The following REEP5 variants were observed in gnomAD, a reference collection of about 807,000 sequenced individuals.
REEP5 encodes the protein receptor accessory protein 5.
A neutral mutation model predicts 22.4 loss-of-function variants in REEP5; 24 were observed. That is an observed-to-expected ratio of 1.07 (90% CI 0.78 to 1.51). The LOEUF (loss-of-function observed/expected upper bound fraction) is 1.51. Among genes scored for constraint, REEP5 ranks in the 40% most tolerant of loss-of-function variants. The pLI is 0.00. For synonymous variants in REEP5, 103 were observed against 88.6 expected (o/e 1.16, Z -0.92); for missense variants, 252 against 233.0 (o/e 1.08, Z -0.53).
In REEP5 at chr5:112,902,362, G is replaced by A. The variant is rs757995734; in HGVS notation, c.351+18C>T. 2 of 1,597,332 alleles carry A rather than the reference G, an allele frequency of 1.3e-6. No homozygotes were observed. The highest frequency in any genetic ancestry group is 2.2e-5 in the East Asian group (1 of 44,676). Reference sequence around the variant, plus strand: ...CAGGTACTGAGATGGAGTTTTAGTGGTAGCAAGACCAACATACCTTCAGCA... The same window carrying A: ...CAGGTACTGAGATGGAGTTTTAGTGATAGCAAGACCAACATACCTTCAGCA... On this transcript the variant is annotated intron_variant, in intron 3 of 4. Transcript: ENST00000379638.
rs1416342657 is a variant in REEP5, at chr5:112,905,563, A to AC, written c.213-3046_213-3045insG. On this transcript the variant is annotated intron_variant, in intron 2 of 4. Transcript: ENST00000379638. ...CTCAAAAAAAAAACAAAACAAAAAA[A>AC]AAACAAACTTGAGGTTTTCTGAATG... is the stretch of plus-strand genomic sequence containing the variant. 3.2e-4 allele frequency among the ~76,000 whole-genome samples: 47 copies of AC among 147,588 alleles called. 1 individual carries two copies. Among genetic ancestry groups the AC allele is most frequent in the South Asian group, 8.4e-4 (4 of 4,744 alleles).
At chr5:112,900,219 A>G (rs1388780033) in intron 3 of REEP5, among the ~76,000 whole-genome samples, 2 of 152,098 alleles carry the variant, frequency 1.3e-5, no homozygotes, top group Non-Finnish European at 2.9e-5. Context: ...GGAAATTGTT[A>G]TGTATTCTGG....
intron 2 of REEP5, among the ~76,000 whole-genome samples, chr5:112,904,267 G>T (rs772414619): frequency 9.2e-5 from 14 of 152,166 alleles, no homozygotes; most frequent in Non-Finnish European, 1.5e-4. Flanking sequence ...AAGGCCAAAG[G>T]AAAAGTGTAG....
At chr5:112,912,724 G>C (rs1258122922) in intron 2 of REEP5, among the ~76,000 whole-genome samples, 1 of 152,118 alleles carries the variant, frequency 6.6e-6, no homozygotes, top group Non-Finnish European at 1.5e-5. Flanking sequence ...CCATGCATGG[G>C]ATTGCTTTTG....
intron 3 of REEP5, chr5:112,897,322 A>C (rs1012222770): frequency 6.7e-6 from 1 of 150,178 alleles, no homozygotes; most frequent in South Asian, 2.1e-4. Context: ...TACAAATGTT[A>C]TTTTCCTCCC....
intron 4 of REEP5, among the ~76,000 whole-genome samples, chr5:112,881,027 G>A (rs778521568): frequency 6.6e-6 from 1 of 150,820 alleles, no homozygotes; most frequent in Non-Finnish European, 1.5e-5. Context: ...TACTTGGGAG[G>A]CTGAGGCAGC....
chr5:112,918,515 G>C (rs1015965136), intron 2 of REEP5, among the ~76,000 whole-genome samples: 1 of 152,272 alleles, frequency 6.6e-6, no homozygotes, highest in African/African-American at 2.4e-5. Flanking sequence ...CCAAGGAGAG[G>C]AAACAGCAAG....
chr5:112,899,336 G>A (rs1768790440), intron 3 of REEP5, among the ~76,000 whole-genome samples: 1 of 151,848 alleles, frequency 6.6e-6, no homozygotes, highest in African/African-American at 2.4e-5. Context: ...GTGGAGACAG[G>A]GTCTCACCAT....
At chr5:112,883,362 TCTTA>T (rs1768135216) in intron 4 of REEP5, among the ~76,000 whole-genome samples, 2 of 152,212 alleles carry the variant, frequency 1.3e-5, no homozygotes, top group African/African-American at 4.8e-5. Context: ...TCAGTCCTTA[TCTTA>T]CTTGACCTGT....
chr5:112,889,509 C>T (rs1438531183), intron 3 of REEP5, among the ~76,000 whole-genome samples: 1 of 150,478 alleles, frequency 6.6e-6, no homozygotes, highest in Non-Finnish European at 1.5e-5. Flanking sequence ...CTTGTATATA[C>T]CTTTGAAATA....
At chr5:112,879,325 T>TGGGGGGGGGGCCGGG (rs1767994736) in intron 4 of REEP5, among the ~76,000 whole-genome samples, 1 of 104,322 alleles carries the variant, frequency 9.6e-6, no homozygotes. Context: ...TATATGTGTT[T>TGGGGGGGGGGCCGGG]GGGGGGGGGG....
chr5:112,886,709 T>C (rs544189427), intron 4 of REEP5, among the ~76,000 whole-genome samples: 1 of 152,184 alleles, frequency 6.6e-6, no homozygotes, highest in Non-Finnish European at 1.5e-5. Context: ...AAATAAACAA[T>C]TAGAAGAGAT....
chr5:112,893,698 A>G (rs1768579723), intron 3 of REEP5: 1 of 152,346 alleles, frequency 6.6e-6, no homozygotes, highest in South Asian at 2.1e-4. Context: ...TGCTACGTGC[A>G]TGAATGTGCA....
At chr5:112,885,638 G>A in intron 4 of REEP5, 1 of 293,100 alleles carries the variant, frequency 3.4e-6, no homozygotes, top group Non-Finnish European at 7.1e-6. Context: ...GGGTCTGCCA[G>A]CCTGGAGCAG....
chr5:112,879,937 A>T (rs1195576951), intron 4 of REEP5, among the ~76,000 whole-genome samples: 1 of 152,070 alleles, frequency 6.6e-6, no homozygotes, highest in African/African-American at 2.4e-5. Flanking sequence ...TTTTAAAAAA[A>T]TTTTAAAAGC....
intron 3 of REEP5, chr5:112,896,331 C>T (rs1768679692): frequency 6.6e-6 from 1 of 152,340 alleles, no homozygotes; most frequent in Non-Finnish European, 1.5e-5. Context: ...TGAGACCAGC[C>T]TGGCCAACAT....
intron 2 of REEP5, among the ~76,000 whole-genome samples, chr5:112,910,930 A>G (rs185997602): frequency 6.6e-6 from 1 of 152,364 alleles, no homozygotes; most frequent in East Asian, 1.9e-4. Flanking sequence ...CAAAGTTAGT[A>G]CAAATCCACC....
At chr5:112,911,078 G>A (rs1272287707) in intron 2 of REEP5, among the ~76,000 whole-genome samples, 2 of 152,204 alleles carry the variant, frequency 1.3e-5, no homozygotes, top group Non-Finnish European at 2.9e-5. Context: ...ATTTTCCTCT[G>A]CTGATAAAAT....
At chr5:112,909,467 G>C (rs546833737) in intron 2 of REEP5, among the ~76,000 whole-genome samples, 1 of 151,912 alleles carries the variant, frequency 6.6e-6, no homozygotes, top group Admixed American at 6.6e-5. Flanking sequence ...AAGGCTAAAA[G>C]GAGATTAGAG....
Sources: allele counts gnomAD v4.1 joint callset (sites outside exome capture counted in the v4.1 genomes callset), GRCh38; gene constraint gnomAD v4.1.1; transcripts MANE v1.5; gene names NCBI Gene and HGNC (gene_info 2026-07-23, HGNC 2026-07-21).